Variants in RANBP2 observed in about 807,000 individuals in gnomAD.
RANBP2 encodes RAN binding protein 2, also known as E3 SUMO-protein ligase RanBP2.
Under a neutral mutation model 303.6 loss-of-function variants are expected in RANBP2, and 57 were observed. The observed-to-expected ratio is 0.19, with a 90% CI of 0.15 to 0.23. The LOEUF (loss-of-function observed/expected upper bound fraction) is 0.23, where lower values mean the gene tolerates loss of function less well. Among genes scored for constraint, RANBP2 ranks in the 10% least tolerant of loss-of-function variants. The probability of loss-of-function intolerance (pLI) is 1.00; values close to 1 mark genes in which losing one functional copy is unlikely to be tolerated. For synonymous variants in RANBP2, 1,167 were observed against 1,301.5 expected (o/e 0.90, Z 2.23); for missense variants, 3,138 against 3,780.8 (o/e 0.83, Z 4.46).
intron 23 of RANBP2, among the ~76,000 whole-genome samples, 185 bp from the exon 24 acceptor site, chr2:108,775,547 A>G (rs868717237): frequency 4.6e-5 from 7 of 152,262 alleles, no homozygotes; most frequent in Middle Eastern, 3.4e-3. Flanking sequence ...AAGGCTTCTT[A>G]GAGGTGCTCT....
chr2:109,351,388 C>T, the RANBP2 span, among the ~76,000 whole-genome samples: 1 of 152,198 alleles, frequency 6.6e-6, no homozygotes, highest in South Asian at 2.1e-4. Flanking sequence ...TGCTGAGAAC[C>T]ACATGATATA....
the RANBP2 span, among the ~76,000 whole-genome samples, chr2:109,125,038 A>T: frequency 6.6e-6 from 1 of 152,378 alleles, no homozygotes; most frequent in South Asian, 2.1e-4. Context: ...AACCCATAAG[A>T]TCAACAGCAA....
chr2:108,982,582 T>C, the RANBP2 span, among the ~76,000 whole-genome samples: 1 of 152,240 alleles, frequency 6.6e-6, no homozygotes, highest in African/African-American at 2.4e-5. Context: ...ATCAGGATAA[T>C]ATTCTCCAGC....
the RANBP2 span, among the ~76,000 whole-genome samples, chr2:109,209,367 C>CTAG: frequency 6.6e-6 from 1 of 152,112 alleles, no homozygotes; most frequent in Non-Finnish European, 1.5e-5. Context: ...AGTTGGCTTC[C>CTAG]TAGGAAGATG....
At chr2:109,336,566 G>A in the RANBP2 span, among the ~76,000 whole-genome samples, 4 of 152,210 alleles carry the variant, frequency 2.6e-5, 1 homozygote, top group Admixed American at 2.6e-4. Flanking sequence ...CAAGGGAGGA[G>A]GATGATGCCA....
chr2:108,831,273 CGTT>C, the RANBP2 span, among the ~76,000 whole-genome samples: 1 of 152,070 alleles, frequency 6.6e-6, no homozygotes, highest in Non-Finnish European at 1.5e-5. Flanking sequence ...TGATCTTAAA[CGTT>C]GAAAGGACAA....
chr2:109,209,183 G>A, the RANBP2 span, among the ~76,000 whole-genome samples: 1 of 152,218 alleles, frequency 6.6e-6, no homozygotes, highest in African/African-American at 2.4e-5. Flanking sequence ...TCATAGTTGT[G>A]TACCTGAGGC....
chr2:109,702,013 C>T, the RANBP2 span, among the ~76,000 whole-genome samples: 1 of 152,188 alleles, frequency 6.6e-6, no homozygotes, highest in Non-Finnish European at 1.5e-5. Context: ...ATGGTTTGAC[C>T]TGAGGGATCC....
the RANBP2 span, among the ~76,000 whole-genome samples, chr2:109,042,747 A>G: frequency 6.6e-6 from 1 of 152,230 alleles, no homozygotes; most frequent in Non-Finnish European, 1.5e-5. Flanking sequence ...GTCCACATCT[A>G]GTCCACATAA....
chr2:109,761,356 C>G, the RANBP2 span, among the ~76,000 whole-genome samples: 1 of 151,170 alleles, frequency 6.6e-6, no homozygotes, highest in African/African-American at 2.4e-5. Context: ...AGGCCTTAGC[C>G]CAGGGAGACT....
At chr2:109,611,388 GAT>G in the RANBP2 span, among the ~76,000 whole-genome samples, 5 of 150,094 alleles carry the variant, frequency 3.3e-5, no homozygotes, top group African/African-American at 4.9e-5. Flanking sequence ...AAGATGAAAA[GAT>G]AAACTACAGA....
chr2:109,680,269 T>C, the RANBP2 span, among the ~76,000 whole-genome samples: 1 of 150,404 alleles, frequency 6.6e-6, no homozygotes, highest in Non-Finnish European at 1.5e-5. Flanking sequence ...AGGAGAATGG[T>C]GTAAACCCCG....
At chr2:109,265,393 C>T in the RANBP2 span, among the ~76,000 whole-genome samples, 1 of 152,216 alleles carries the variant, frequency 6.6e-6, no homozygotes, top group African/African-American at 2.4e-5. Context: ...CACAGTTTAT[C>T]AGATGGTGGA....
At chr2:109,629,322 TATATATATATATATATATATATA>T in the RANBP2 span, among the ~76,000 whole-genome samples, 1 of 5,702 alleles carries the variant, frequency 1.8e-4, no homozygotes, top group African/African-American at 6.1e-4. Context: ...TATATATATA[TATATATATATATATATATATATA>T]TATATATATA....
the RANBP2 span, among the ~76,000 whole-genome samples, chr2:108,967,392 A>G: frequency 6.6e-6 from 1 of 152,190 alleles, no homozygotes; most frequent in Non-Finnish European, 1.5e-5. Context: ...TGTGCTGTAG[A>G]AAATGGTTTG....
At chr2:109,528,032 G>A in the RANBP2 span, among the ~76,000 whole-genome samples, 1 of 152,214 alleles carries the variant, frequency 6.6e-6, no homozygotes, top group Non-Finnish European at 1.5e-5. Flanking sequence ...GCAGCTTCCA[G>A]AGTGACTGAG....
chr2:109,652,493 A>G, the RANBP2 span, among the ~76,000 whole-genome samples: 2,624 of 152,228 alleles, frequency 0.017, 87 homozygotes, highest in African/African-American at 0.059. Flanking sequence ...CCAAAGTGCT[A>G]GGATTACAGG....
At chr2:109,126,148 T>A in the RANBP2 span, among the ~76,000 whole-genome samples, 150 of 152,322 alleles carry the variant, frequency 9.8e-4, no homozygotes, top group African/African-American at 3.3e-3. Context: ...CCAGGCCCTG[T>A]TGCCTGGGGT....
At chr2:109,527,530 C>T in the RANBP2 span, among the ~76,000 whole-genome samples, 2 of 152,032 alleles carry the variant, frequency 1.3e-5, no homozygotes, top group South Asian at 4.2e-4. Flanking sequence ...CCTGTGGGAC[C>T]CTGGGCATGA....
Sources: allele counts gnomAD v4.1 joint callset (sites outside exome capture counted in the v4.1 genomes callset), GRCh38; gene constraint gnomAD v4.1.1; transcripts MANE v1.5; gene names NCBI Gene and HGNC (gene_info 2026-07-23, HGNC 2026-07-21).